Variants in SLC15A5 observed in about 807,000 individuals in gnomAD.
The protein encoded by SLC15A5 is solute carrier family 15 member 5, also known as Peptide/histidine transporter ENSP00000340402.
SLC15A5 carries 58 observed loss-of-function variants against 56.1 expected under a neutral mutation model. The ratio of observed to expected loss-of-function variants is 1.03; its 90% CI spans 0.84 to 1.29. SLC15A5 has a LOEUF of 1.29. Ranked by LOEUF, SLC15A5 falls within the 50% of genes most tolerant of loss-of-function variation. The pLI is 0.00. For synonymous variants in SLC15A5, 264 were observed against 250.5 expected, an observed-to-expected ratio of 1.05 and a Z score of -0.51; for missense variants, 681 against 672.1, an observed-to-expected ratio of 1.01 and a Z score of -0.15.
chr12:16,211,501 T>G (rs948731559), intron 7 of SLC15A5, among the ~76,000 whole-genome samples: 23 of 126 alleles, frequency 0.18, no homozygotes, highest in African/African-American at 0.32. Flanking sequence ...AATTATCCCT[T>G]TTTTTTTCTT....
chr12:16,243,275 A>T lies in SLC15A5; in HGVS notation c.975+1305T>A, dbSNP rs1864430200. Reference sequence around the variant, plus strand: ...TCCCAGGCTGGAGTACAATGGCATGATCTCTGCTCACCGCAACCTCCGCCT... The same window carrying T: ...TCCCAGGCTGGAGTACAATGGCATGTTCTCTGCTCACCGCAACCTCCGCCT... On this transcript the variant is annotated intron_variant, in intron 4 of 8. Transcript: ENST00000344941. The surrounding 1 kb of genome is among the most constrained non-coding windows in gnomAD (Gnocchi z 4.4). 1.4e-5 allele frequency among the ~76,000 whole-genome samples: 2 copies of T among 148,084 alleles called. No individual in the cohort carries two copies. Among genetic ancestry groups the T allele is most frequent in the South Asian group, 4.2e-4 (2 of 4,732 alleles).
rs1198379718 is a variant in SLC15A5 at position 16,237,788 on chromosome 12, T to C, written c.1162+1893A>G. On this transcript the variant is annotated intron_variant, in intron 5 of 8. Transcript: ENST00000344941. This position sits in a 1 kb window ranked among gnomAD's most constrained non-coding sequence, Gnocchi z 4.1. ...CTCAGATTGGGGTGTTTCATGACACTGTACAAAACTGCTGAGATTTTTGGC... is the reference window on the plus strand; with the variant it reads ...CTCAGATTGGGGTGTTTCATGACACCGTACAAAACTGCTGAGATTTTTGGC... 2.0e-5 allele frequency among the ~76,000 whole-genome samples: 3 copies of C among 152,156 alleles called. No homozygotes were observed. The highest frequency in any genetic ancestry group is 4.4e-5 in the Non-Finnish European group (3 of 67,978).
At chr12:16,244,539 A>G in intron 4 of SLC15A5, 41 bp downstream of exon 4, 2 of 1,500,448 alleles carry the variant, frequency 1.3e-6, no homozygotes, top group South Asian at 2.4e-5. Flanking sequence ...ACATGCAATC[A>G]CTTTCCTGTT....
intron 7 of SLC15A5, among the ~76,000 whole-genome samples, chr12:16,202,765 A>G (rs568882293): frequency 2.0e-4 from 30 of 152,328 alleles, no homozygotes; most frequent in Admixed American, 8.5e-4. Context: ...TATATACACA[A>G]TGGAATATTC....
At chr12:16,255,074 A>G (rs1864556601) in intron 3 of SLC15A5, among the ~76,000 whole-genome samples, 1 of 152,150 alleles carries the variant, frequency 6.6e-6, no homozygotes, top group African/African-American at 2.4e-5. Flanking sequence ...CCTTATATGT[A>G]TTGAAACATC....
chr12:16,277,316 G>A lies in SLC15A5; in HGVS notation c.361+9C>T. The A allele has an allele frequency of 6.6e-7, 1 of 1,507,942 alleles. No homozygotes were observed. Among genetic ancestry groups the A allele is most frequent in the Non-Finnish European group, 8.8e-7 (1 of 1,131,778 alleles). 93.4% of individuals were successfully genotyped at this position (1,507,942 alleles called of 1,614,324 possible). On this transcript the variant is annotated intron_variant, in intron 1 of 8. Transcript: ENST00000344941. ...TCACAAAACAATCCAGTCAGCAGAG[G>A]ACACTCACCTAGAAAATGTAGAAAC... is the stretch of plus-strand genomic sequence containing the variant.
chr12:16,216,510 A>G (rs772453126), intron 7 of SLC15A5, among the ~76,000 whole-genome samples: 89 of 152,150 alleles, frequency 5.8e-4, no homozygotes, highest in Middle Eastern at 3.2e-3. Context: ...GCAAATCATG[A>G]GAAAAAAAGA....
intron 3 of SLC15A5, among the ~76,000 whole-genome samples, chr12:16,247,660 A>C (rs1864475480): frequency 6.6e-6 from 1 of 152,098 alleles, no homozygotes. Context: ...GCTTATCATG[A>C]AGTAGAAATT....
chr12:16,229,731 GAGAT>G lies in SLC15A5; in HGVS notation c.1163-5133_1163-5130del, dbSNP rs1366909330. On this transcript the variant is annotated intron_variant, in intron 5 of 8. Transcript: ENST00000344941. ...ACGTTTAATATTTTTAATATTTTAA[GAGAT>G]AGAGGATAATGAAACATGTGACAAG... 4.0e-5 allele frequency among the ~76,000 whole-genome samples: 6 copies of G among 151,578 alleles called. No homozygotes were observed. The East Asian group carries it at 1.2e-3, about 29-fold the overall frequency.
intron 5 of SLC15A5, among the ~76,000 whole-genome samples, chr12:16,231,195 T>A (rs1864294088): frequency 6.6e-6 from 1 of 152,172 alleles, no homozygotes; most frequent in African/African-American, 2.4e-5. Flanking sequence ...TAAGATCCTA[T>A]TCCACTAAAA....
chr12:16,243,415 G>T lies in SLC15A5; in HGVS notation c.975+1165C>A, dbSNP rs1864431530. 6.6e-6 allele frequency among the ~76,000 whole-genome samples: 1 copy of T among 151,974 alleles called. No individual in the cohort carries two copies. The highest frequency in any genetic ancestry group is 2.1e-4 in the South Asian group (1 of 4,828). On this transcript the variant is annotated intron_variant, in intron 4 of 8. Coordinates refer to ENST00000344941, the MANE Select transcript of SLC15A5 (RefSeq NM_001170798.1). The surrounding 1 kb of genome is among the most constrained non-coding windows in gnomAD (Gnocchi z 4.4). ...GTAGAGACGGGGTTTCTCCATTTTGGTAAAGCTGGTTTCGAATTCCCGATC... is the reference window on the plus strand; with the variant it reads ...GTAGAGACGGGGTTTCTCCATTTTGTTAAAGCTGGTTTCGAATTCCCGATC...
chr12:16,220,822 A>T (rs1057271046), intron 6 of SLC15A5, among the ~76,000 whole-genome samples: 5 of 151,784 alleles, frequency 3.3e-5, no homozygotes, highest in Non-Finnish European at 5.9e-5. Flanking sequence ...TTTTTGTCTT[A>T]TTTTTTTTAA....
intron 7 of SLC15A5, among the ~76,000 whole-genome samples, chr12:16,202,930 GAGT>G (rs1409713543): frequency 6.6e-6 from 1 of 152,064 alleles, no homozygotes; most frequent in Non-Finnish European, 1.5e-5. Context: ...CAGAAGCAGA[GAGT>G]AGAATGGTGG....
chr12:16,247,057 G>A (rs1565669479), intron 3 of SLC15A5, among the ~76,000 whole-genome samples: 1 of 152,048 alleles, frequency 6.6e-6, no homozygotes, highest in Non-Finnish European at 1.5e-5. Flanking sequence ...AGATGTCACT[G>A]TCCATAAATA....
intron 3 of SLC15A5, among the ~76,000 whole-genome samples, chr12:16,248,223 C>T (rs1864482457): frequency 6.6e-6 from 1 of 151,928 alleles, no homozygotes; most frequent in Non-Finnish European, 1.5e-5. Context: ...GTCAATATGT[C>T]AAATAAGAAG....
At chr12:16,203,756 A>G (rs1863986241) in intron 7 of SLC15A5, among the ~76,000 whole-genome samples, 1 of 152,178 alleles carries the variant, frequency 6.6e-6, no homozygotes, top group Non-Finnish European at 1.5e-5. Context: ...TATTGGAAAT[A>G]AGGATAAAAA....
intron 3 of SLC15A5, among the ~76,000 whole-genome samples, chr12:16,255,430 A>T (rs1864561573): frequency 6.6e-6 from 1 of 152,150 alleles, no homozygotes; most frequent in Admixed American, 6.5e-5. Flanking sequence ...AAAATCCCAA[A>T]GTTTGACAAT....
At chr12:16,260,817 T>C (rs967069861) in intron 2 of SLC15A5, among the ~76,000 whole-genome samples, 7 of 152,062 alleles carry the variant, frequency 4.6e-5, no homozygotes, top group Admixed American at 3.3e-4. Context: ...ATAATCTAAT[T>C]TGAATTAATT....
At position 16,189,658 on chromosome 12, in the gene SLC15A5, A is replaced by T. The variant is rs749318235; in HGVS notation, c.*10T>A. ...CTGTTCTCATAAGACAGGTAGACTCAAACACAGTTTCATAGGGCTGTCTCC... is the reference window on the plus strand; with the variant it reads ...CTGTTCTCATAAGACAGGTAGACTCTAACACAGTTTCATAGGGCTGTCTCC... On this transcript the variant is annotated 3_prime_UTR_variant, in exon 9 of 9. Transcript: ENST00000344941. 4.0e-6 allele frequency: 6 copies of T among 1,484,018 alleles called. No homozygotes were observed. The African/African-American group carries it at 8.5e-5, about 21-fold the overall frequency. 91.9% of individuals were successfully genotyped at this position (1,484,018 alleles called of 1,614,324 possible).
Sources: allele counts gnomAD v4.1 joint callset (sites outside exome capture counted in the v4.1 genomes callset), GRCh38; gene constraint gnomAD v4.1.1; non-coding constraint Gnocchi (gnomAD v3.1); transcripts MANE v1.5; gene names NCBI Gene and HGNC (gene_info 2026-07-23, HGNC 2026-07-21).